Variants in SLC35F3 observed in about 807,000 individuals in gnomAD.
The protein encoded by SLC35F3 is putative thiamine transporter SLC35F3.
In SLC35F3, 25 loss-of-function variants were observed where a neutral mutation model predicts 49.9. The ratio of observed to expected loss-of-function variants is 0.50; its 90% CI spans 0.37 to 0.70. The LOEUF (loss-of-function observed/expected upper bound fraction) is 0.70. Ranked by LOEUF, SLC35F3 falls within the 30% of genes least tolerant of loss-of-function variation. The pLI is 0.00. For synonymous variants in SLC35F3, 275 were observed against 265.4 expected (o/e 1.04, Z -0.35); for missense variants, 525 against 639.8 (o/e 0.82, Z 1.94).
chr1:234,211,314 C>T (rs545350758), intron 2 of SLC35F3, among the ~76,000 whole-genome samples: 1 of 152,214 alleles, frequency 6.6e-6, no homozygotes, highest in African/African-American at 2.4e-5. Flanking sequence ...CCTACTGGGG[C>T]ACTGCCTAGT....
Position 234,150,136 on chromosome 1 carries a change from G to GA in SLC35F3, c.284-81278dup, listed in dbSNP as rs112750101. ...TACTACTCAAAATGAAAACTTCTAGGAAACTAGATTTATCCTCTAAAGGTT... is the reference window on the plus strand; with the variant it reads ...TACTACTCAAAATGAAAACTTCTAGGAAAACTAGATTTATCCTCTAAAGGTT... On this transcript the variant is annotated intron_variant, in intron 2 of 7. Transcript: ENST00000366618. Among the ~76,000 whole-genome samples the GA allele has an allele frequency of 7.3e-3, 1,110 of 152,306 alleles. 20 individuals are homozygous for GA. The highest frequency in any genetic ancestry group is 0.024 in the African/African-American group (1,000 of 41,554).
Position 234,231,554 on chromosome 1 carries a change from G to C in SLC35F3, c.421G>C (p.Val141Leu), listed in dbSNP as rs267598420. 1 of 1,614,048 alleles carries C rather than the reference G, an allele frequency of 6.2e-7. No homozygotes were observed. Residue 141 changes from valine (V) to leucine (L), a missense_variant, in exon 3 of 8, where the codon GTC becomes CTC. Val to Leu is a conservative substitution (Grantham distance 32). Coordinates refer to ENST00000366618, the MANE Select transcript of SLC35F3 (RefSeq NM_173508.4). This position sits in a 1 kb window ranked among gnomAD's most constrained non-coding sequence, Gnocchi z 5.4. ...CAAGAAGATCTTCTGGGGCGTGGCG[G>C]TCGTGCTGTGCGTGTGCTCCTCGTG... ...QLKKIFWGVA[V>L]VLCVCSSWAG... is the part of the protein sequence containing the mutation.
At chr1:234,060,983 T>TA (rs1288132501) in intron 2 of SLC35F3, among the ~76,000 whole-genome samples, 1 of 152,210 alleles carries the variant, frequency 6.6e-6, no homozygotes, top group African/African-American at 2.4e-5. Flanking sequence ...TTACATTACT[T>TA]ACGAGAATAA....
At chr1:234,305,492 C>A (rs1277790564) in intron 3 of SLC35F3, among the ~76,000 whole-genome samples, 1 of 151,912 alleles carries the variant, frequency 6.6e-6, no homozygotes, top group Non-Finnish European at 1.5e-5. Context: ...AAGCGATTCC[C>A]CTCCCTCAGT....
chr1:234,298,878 C>G (rs1668647370), intron 3 of SLC35F3, among the ~76,000 whole-genome samples: 1 of 152,126 alleles, frequency 6.6e-6, no homozygotes, highest in Admixed American at 6.5e-5. Flanking sequence ...AGAGAGCAAC[C>G]AATACAGCCA....
chr1:234,130,466 C>T (rs1279016245), intron 2 of SLC35F3, among the ~76,000 whole-genome samples: 1 of 99,448 alleles, frequency 1.0e-5, no homozygotes, highest in Non-Finnish European at 1.9e-5. Context: ...CGGTGAAACC[C>T]CGTCTCTAAA....
At position 233,904,942 on chromosome 1, in the gene SLC35F3, C is replaced by T. The variant is rs1661744657; in HGVS notation, c.-136C>T. 1.0e-6 allele frequency: 1 copy of T among 980,040 alleles called. No individual in the cohort carries two copies. Among genetic ancestry groups the T allele is most frequent in the Non-Finnish European group, 1.4e-6 (1 of 694,786 alleles). The allele number at this position is 980,040 out of a possible 1,614,324, so 60.7% of individuals were successfully genotyped here. On this transcript the variant is annotated 5_prime_UTR_variant, in exon 1 of 8. Coordinates refer to ENST00000366618, the MANE Select transcript of SLC35F3 (RefSeq NM_173508.4). ...CCGCGCGGGCGCGCACAAAGCGGCC[C>T]GGGGCGGCCGGCGCGGCGCAGACCC...
intron 2 of SLC35F3, among the ~76,000 whole-genome samples, chr1:234,123,799 G>A (rs1665609777): frequency 6.6e-6 from 1 of 152,152 alleles, no homozygotes; most frequent in African/African-American, 2.4e-5. Flanking sequence ...TCAAGCTGAT[G>A]TAAGAAAAGA....
chr1:234,114,510 C>T (rs1010994761), intron 2 of SLC35F3, among the ~76,000 whole-genome samples: 12 of 152,070 alleles, frequency 7.9e-5, no homozygotes, highest in African/African-American at 1.2e-4. Flanking sequence ...TGCAGAATAC[C>T]GTGAGATAGT....
intron 4 of SLC35F3, among the ~76,000 whole-genome samples, chr1:234,309,876 T>C (rs542712023): frequency 1.3e-5 from 2 of 152,374 alleles, no homozygotes; most frequent in South Asian, 2.1e-4. Context: ...CAGCTTCACT[T>C]CCTTCTAACC....
At chr1:234,230,196 T>C (rs935906692) in intron 2 of SLC35F3, among the ~76,000 whole-genome samples, 2 of 152,222 alleles carry the variant, frequency 1.3e-5, no homozygotes, top group Non-Finnish European at 2.9e-5. Flanking sequence ...TATCTTTGGC[T>C]AAAACAGATA....
At chr1:234,104,602 A>C (rs182437129) in intron 2 of SLC35F3, among the ~76,000 whole-genome samples, 1 of 152,336 alleles carries the variant, frequency 6.6e-6, no homozygotes, top group Admixed American at 6.5e-5. Context: ...ATTTTCTTTC[A>C]GGTAAAATGG....
At chr1:233,953,263 G>T (rs972512212) in intron 2 of SLC35F3, among the ~76,000 whole-genome samples, 5 of 152,302 alleles carry the variant, frequency 3.3e-5, no homozygotes, top group African/African-American at 1.2e-4. Context: ...AGTAATACTT[G>T]AAGGTATATT....
intron 4 of SLC35F3, among the ~76,000 whole-genome samples, chr1:234,315,351 A>G (rs1657462593): frequency 6.6e-6 from 1 of 152,196 alleles, no homozygotes; most frequent in African/African-American, 2.4e-5. Flanking sequence ...TGTTTTAACT[A>G]CTAAGGCAAC....
At chr1:234,175,852 CAG>C (rs1666469097) in intron 2 of SLC35F3, among the ~76,000 whole-genome samples, 2 of 152,122 alleles carry the variant, frequency 1.3e-5, no homozygotes, top group Non-Finnish European at 2.9e-5. Context: ...ATGGCCAGGT[CAG>C]TGTGGAGGCA....
At chr1:234,309,382 C>T in intron 4 of SLC35F3, 62 bp downstream of exon 4, 1 of 1,450,308 alleles carries the variant, frequency 6.9e-7, no homozygotes, top group Non-Finnish European at 9.6e-7. Flanking sequence ...ACCTGCCCAT[C>T]GGCTTGCTTA....
intron 2 of SLC35F3, among the ~76,000 whole-genome samples, chr1:234,223,766 C>T (rs1002935026): frequency 3.9e-5 from 6 of 152,174 alleles, no homozygotes; most frequent in African/African-American, 1.4e-4. Context: ...TTAGCTAGCA[C>T]CACCATAACA....
intron 3 of SLC35F3, among the ~76,000 whole-genome samples, chr1:234,280,091 C>T (rs1434430514): frequency 6.6e-6 from 1 of 152,168 alleles, no homozygotes; most frequent in African/African-American, 2.4e-5. Flanking sequence ...CCACACAGAG[C>T]CCTACCCTAA....
At chr1:234,006,728 T>C (rs1663636113) in intron 2 of SLC35F3, among the ~76,000 whole-genome samples, 1 of 152,010 alleles carries the variant, frequency 6.6e-6, no homozygotes, top group African/African-American at 2.4e-5. Flanking sequence ...AATGAGGGAG[T>C]GGAAGAAGAG....
Sources: gnomAD v4.1 joint callset for allele counts (sites outside exome capture counted in the v4.1 genomes callset) on GRCh38, gnomAD v4.1.1 for gene constraint, Gnocchi (gnomAD v3.1) non-coding constraint, MANE v1.5 for transcripts, NCBI Gene and HGNC (gene_info 2026-07-23, HGNC 2026-07-21) for gene names.